CRYAB: variants seen among roughly 807,000 people sequenced by gnomAD.
CRYAB encodes the protein crystallin alpha B, also known as alpha-crystallin B chain.
CRYAB carries 9 observed loss-of-function variants against 12.7 expected under a neutral mutation model. The observed-to-expected ratio is 0.71, with a 90% confidence interval of 0.43 to 1.24. The LOEUF is 1.24. CRYAB is among the 50% of genes most tolerant of loss of function. CRYAB has a pLI of 0.00. For synonymous variants in CRYAB, 93 were observed against 86.8 expected (o/e 1.07, Z -0.40); for missense variants, 183 against 226.6 (o/e 0.81, Z 1.24).
chr11:111,918,569 C>A, intron 1 of CRYAB: 1 of 549,298 alleles, frequency 1.8e-6, no homozygotes, highest in Non-Finnish European at 3.3e-6. Context: ...TGGTGCTGAG[C>A]AAACTACTAC....
upstream of CRYAB, chr11:111,912,883 T>G: frequency 6.2e-7 from 1 of 1,609,934 alleles, no homozygotes; most frequent in Non-Finnish European, 8.5e-7. Context: ...AGTACGAATT[T>G]GCCAACCCGA....
At chr11:111,913,376 C>A, upstream of CRYAB, 2 of 1,284,064 alleles carry the variant, frequency 1.6e-6, no homozygotes, top group South Asian at 2.6e-5. Context: ...CCAGATTTCC[C>A]ATTTCGCCCC....
At chr11:111,915,034 C>T (rs587736632), upstream of CRYAB, among the ~76,000 whole-genome samples, 3 of 152,248 alleles carry the variant, frequency 2.0e-5, no homozygotes, top group Admixed American at 2.0e-4. Context: ...TGCGCCACTG[C>T]ACTCCAGCCT....
upstream of CRYAB, chr11:111,913,673 C>T: frequency 1.2e-6 from 2 of 1,614,184 alleles, no homozygotes; most frequent in East Asian, 2.2e-5. Flanking sequence ...GCCTGGACCG[C>T]CACGGCTTCG....
upstream of CRYAB, chr11:111,912,947 T>TCCCCCCCCCCCCCC: frequency 1.7e-6 from 2 of 1,143,318 alleles, no homozygotes; most frequent in South Asian, 2.6e-5. Flanking sequence ...ACCACCCCCT[T>TCCCCCCCCCCCCCC]GCCCCCCACC....
intron 2 of CRYAB, 28 bp from the exon 3 acceptor site, chr11:111,908,995 A>G: frequency 1.2e-6 from 2 of 1,612,422 alleles, no homozygotes; most frequent in Non-Finnish European, 1.7e-6. Flanking sequence ...GGAAAGAGGC[A>G]GAGAGATAAG....
At chr11:111,911,943 A>T (rs2137385636), upstream of CRYAB, 1 of 567,492 alleles carries the variant, frequency 1.8e-6, no homozygotes, top group Non-Finnish European at 3.2e-6. Flanking sequence ...AGAGACACAA[A>T]CACGTCTGAG....
At chr11:111,914,440 TG>T (rs1965566037), upstream of CRYAB, among the ~76,000 whole-genome samples, 1 of 152,024 alleles carries the variant, frequency 6.6e-6, no homozygotes. Context: ...GCTGGGAAAA[TG>T]GTTTTTGGCT....
chr11:111,919,828 A>G (rs1169592400), intron 1 of CRYAB, among the ~76,000 whole-genome samples: 1 of 152,228 alleles, frequency 6.6e-6, no homozygotes, highest in Non-Finnish European at 1.5e-5. Context: ...CTGACTTCAG[A>G]GGCCACCTTT....
At position 111,910,501 on chromosome 11, in the gene CRYAB, T is replaced by G. The variant is rs565144152; in HGVS notation, c.202-52A>C. On this transcript the variant is annotated intron_variant, in intron 1 of 2. Coordinates refer to ENST00000650687, the MANE Select transcript of CRYAB (RefSeq NM_001289808.2). ...GATGGGAGAAAGAGGGCAAAAATAC[T>G]GATTACACAGGTGCTGTCTTATTCT... 41 of 1,606,984 alleles carry G rather than the reference T, an allele frequency of 2.6e-5. No individual in the cohort carries two copies. In the South Asian group the frequency reaches 4.4e-4, roughly 17 times the overall value.
chr11:111,910,020 T>G, intron 2 of CRYAB: 1 of 614,624 alleles, frequency 1.6e-6, no homozygotes, highest in East Asian at 2.7e-5. Context: ...AGCATTAGGT[T>G]TTTTGAAAGT....
chr11:111,918,844 C>A, intron 1 of CRYAB: 2 of 1,094,500 alleles, frequency 1.8e-6, no homozygotes, highest in Non-Finnish European at 2.7e-6. Flanking sequence ...AAAAGTCCAA[C>A]CTGCTAGGTT....
intron 2 of CRYAB, 22 bp from the exon 3 acceptor site, chr11:111,908,989 A>G (rs782051117): frequency 6.2e-7 from 1 of 1,613,118 alleles, no homozygotes; most frequent in South Asian, 1.1e-5. Flanking sequence ...GAATGAGGAA[A>G]GAGGCAGAGA....
chr11:111,912,853 T>C, upstream of CRYAB: 1 of 1,607,062 alleles, frequency 6.2e-7, no homozygotes, highest in Non-Finnish European at 8.5e-7. Context: ...CAGTGCCACA[T>C]GCCCACCCGG....
Position 111,911,745 on chromosome 11 carries a change from G to A in CRYAB, c.-21C>T, listed in dbSNP as rs376222434. ...TCCATGGTGGCTAGGTGAGTGTGAG[G>A]GGTCAGCTGGCTGGTCAGCTCCTTC... On this transcript the variant is annotated 5_prime_UTR_variant, in exon 1 of 3. Transcript: ENST00000650687. 442 of 1,542,274 alleles carry A rather than the reference G, an allele frequency of 2.9e-4. 1 individual carries two copies. Among genetic ancestry groups the A allele is most frequent in the South Asian group, 1.1e-3 (94 of 84,836 alleles).
chr11:111,919,157 C>T, intron 1 of CRYAB: 1 of 860,268 alleles, frequency 1.2e-6, no homozygotes, highest in Admixed American at 2.4e-5. Context: ...CAGAGCAGCA[C>T]CTCCTTTCAG....
upstream of CRYAB, among the ~76,000 whole-genome samples, chr11:111,917,740 A>G (rs10789852): frequency 0.28 from 41,926 of 150,888 alleles, 7,240 homozygotes; most frequent in East Asian, 0.54. Flanking sequence ...CAGCTACTCG[A>G]GAGGCTGAGG....
At chr11:111,912,647 G>A (rs1450216049), upstream of CRYAB, 14 of 611,108 alleles carry the variant, frequency 2.3e-5, no homozygotes, top group African/African-American at 1.8e-4. Flanking sequence ...TCACACCCTC[G>A]TTGCTCTCAC....
rs1592506105 is a variant in CRYAB, at chr11:111,908,837, A to G, written c.455T>C (p.Val152Ala). Residue 152 changes from valine (V) to alanine (A), a missense_variant, in exon 3 of 3, where the codon GTC becomes GCC. Val to Ala is a moderately conservative substitution (Grantham distance 64). Around this residue, in one of 3 missense-constraint regions of CRYAB, gnomAD observed 95 missense variants for 112.5 expected, o/e 0.84. Transcript: ENST00000650687. Reference sequence around the variant, plus strand: ...GGGAATGGTGCGCTCAGGGCCAGAGACCTGTTTCCTTGGTCCATTCACAGT... The same window carrying G: ...GGGAATGGTGCGCTCAGGGCCAGAGGCCTGTTTCCTTGGTCCATTCACAGT... ...VLTVNGPRKQ[V>A]SGPERTIPIT... 1 of 1,613,912 alleles carries G rather than the reference A, an allele frequency of 6.2e-7. No homozygotes were observed. The highest frequency in any genetic ancestry group is 2.2e-5 in the East Asian group (1 of 44,890).
Sources: allele counts gnomAD v4.1 joint callset (sites outside exome capture counted in the v4.1 genomes callset), GRCh38; gene constraint gnomAD v4.1.1; regional missense constraint gnomAD v4.1.1; transcripts MANE v1.5; gene names NCBI Gene and HGNC (gene_info 2026-07-23, HGNC 2026-07-21).